RORB: variants seen among roughly 807,000 people sequenced by gnomAD.
The protein encoded by RORB is nuclear receptor ROR-beta.
RORB carries 6 observed loss-of-function variants against 59.1 expected under a neutral mutation model. That is an observed-to-expected ratio of 0.10 (90% CI 0.06 to 0.20). RORB has a LOEUF of 0.20. Among genes scored for constraint, RORB ranks in the 10% least tolerant of loss-of-function variants. RORB has a pLI of 1.00. For missense variants in RORB, 320 were observed against 560.5 expected, an observed-to-expected ratio of 0.57 and a Z score of 4.33; for synonymous variants, 215 against 204.5, an observed-to-expected ratio of 1.05 and a Z score of -0.44.
Position 74,668,027 on chromosome 9 carries a change from T to A in RORB, c.1111+126T>A, listed in dbSNP as rs73549420. On this transcript the variant is annotated intron_variant, in intron 8 of 9. Transcript: ENST00000376896. ...ACAGAGCTATATTTTCTTTACCAAG[T>A]TTTTGATATTTTTGGACAGTGAAAA... 1.0e-2 allele frequency: 6,169 copies of A among 617,428 alleles called. 268 individuals carry two copies. The highest frequency in any genetic ancestry group is 0.099 in the African/African-American group (5,370 of 53,978). 38.2% of individuals were successfully genotyped at this position (617,428 alleles called of 1,614,324 possible).
intron 1 of RORB, among the ~76,000 whole-genome samples, chr9:74,622,706 T>C (rs746798962): frequency 6.6e-6 from 1 of 151,890 alleles, no homozygotes; most frequent in Non-Finnish European, 1.5e-5. Flanking sequence ...TTTGTATTTT[T>C]AGTAGAGACA....
chr9:74,619,255 C>T (rs554216909), intron 1 of RORB, among the ~76,000 whole-genome samples: 2 of 152,296 alleles, frequency 1.3e-5, no homozygotes, highest in South Asian at 4.1e-4. Flanking sequence ...TCAAAAGGCA[C>T]CTCAGCACCA....
intron 1 of RORB, among the ~76,000 whole-genome samples, chr9:74,555,450 A>G (rs1822272981): frequency 6.6e-6 from 1 of 152,236 alleles, no homozygotes; most frequent in South Asian, 2.1e-4. Flanking sequence ...TGGGAGAGAA[A>G]TAAAACCTTA....
At chr9:74,550,464 C>T (rs759825315) in intron 1 of RORB, among the ~76,000 whole-genome samples, 1 of 152,190 alleles carries the variant, frequency 6.6e-6, no homozygotes, top group Non-Finnish European at 1.5e-5. Context: ...GAAAGCTCTA[C>T]AAGTGGTCTT....
chr9:74,510,287 A>G (rs1281829566), intron 1 of RORB, among the ~76,000 whole-genome samples: 2 of 152,152 alleles, frequency 1.3e-5, no homozygotes, highest in African/African-American at 4.8e-5. Flanking sequence ...GTTTAACAAT[A>G]TCAGGTTGGA....
intron 4 of RORB, among the ~76,000 whole-genome samples, chr9:74,655,865 C>T (rs1197139189): frequency 6.6e-6 from 1 of 152,130 alleles, no homozygotes; most frequent in Non-Finnish European, 1.5e-5. Flanking sequence ...AGGGTCAAGT[C>T]GGTTTTTGCA....
intron 1 of RORB, among the ~76,000 whole-genome samples, chr9:74,506,638 C>T (rs1265237317): frequency 1.3e-5 from 2 of 152,076 alleles, no homozygotes; most frequent in African/African-American, 4.8e-5. Context: ...GAAAAACAGA[C>T]TCTGAGCTGG....
chr9:74,663,089 A>T (rs887540511), intron 6 of RORB, among the ~76,000 whole-genome samples: 1 of 152,194 alleles, frequency 6.6e-6, no homozygotes, highest in African/African-American at 2.4e-5. Flanking sequence ...ACTGTCTGAC[A>T]CACACAATTG....
chr9:74,662,942 GAA>G (rs35451203), intron 6 of RORB, among the ~76,000 whole-genome samples: 2 of 142,850 alleles, frequency 1.4e-5, no homozygotes, highest in African/African-American at 5.1e-5. Flanking sequence ...TCTGTGAAAG[GAA>G]AAAAAAAAAA....
chr9:74,542,904 C>A (rs184519507), intron 1 of RORB, among the ~76,000 whole-genome samples: 1 of 152,100 alleles, frequency 6.6e-6, no homozygotes, highest in African/African-American at 2.4e-5. Context: ...TGCCAGGCAA[C>A]GTACTTAAGC....
intron 9 of RORB, among the ~76,000 whole-genome samples, chr9:74,681,961 TG>T (rs1310828310): frequency 4.6e-5 from 7 of 152,190 alleles, no homozygotes; most frequent in African/African-American, 1.7e-4. Context: ...CATTAACTTT[TG>T]GTTAATGACT....
chr9:74,577,639 C>A (rs978567039), intron 1 of RORB, among the ~76,000 whole-genome samples: 2 of 151,936 alleles, frequency 1.3e-5, no homozygotes, highest in African/African-American at 4.8e-5. Context: ...ATTATGGATG[C>A]AAAGTGAAAT....
intron 4 of RORB, among the ~76,000 whole-genome samples, chr9:74,657,455 T>C (rs1329960119): frequency 2.0e-5 from 3 of 152,162 alleles, no homozygotes; most frequent in Non-Finnish European, 4.4e-5. Context: ...TAAGATGTAA[T>C]GTCAGAAATT....
chr9:74,591,896 G>A (rs1822901525), intron 1 of RORB, among the ~76,000 whole-genome samples: 1 of 152,128 alleles, frequency 6.6e-6, no homozygotes, highest in African/African-American at 2.4e-5. Flanking sequence ...TATATGGGGA[G>A]TGTGTGCGTG....
chr9:74,509,776 T>C (rs1040386187), intron 1 of RORB, among the ~76,000 whole-genome samples: 16 of 152,078 alleles, frequency 1.1e-4, no homozygotes, highest in African/African-American at 3.1e-4. Flanking sequence ...CTGTGTTGTG[T>C]ACAAGCATAA....
intron 1 of RORB, among the ~76,000 whole-genome samples, chr9:74,582,185 A>G (rs1273940958): frequency 6.6e-6 from 1 of 152,218 alleles, no homozygotes; most frequent in Non-Finnish European, 1.5e-5. Context: ...TTATAAGACT[A>G]CACAAGTTTA....
At chr9:74,651,198 T>C (rs1312075254) in intron 4 of RORB, among the ~76,000 whole-genome samples, 1 of 152,156 alleles carries the variant, frequency 6.6e-6, no homozygotes, top group African/African-American at 2.4e-5. Context: ...TCTCACCTTC[T>C]GTAACTCTGC....
At chr9:74,507,688 G>A (rs185975174) in intron 1 of RORB, among the ~76,000 whole-genome samples, 1 of 152,184 alleles carries the variant, frequency 6.6e-6, no homozygotes, top group African/African-American at 2.4e-5. Context: ...CAAGAACTTA[G>A]ACATACTGAG....
intron 2 of RORB, among the ~76,000 whole-genome samples, 160 bp from the exon 3 acceptor site, chr9:74,634,471 G>T (rs753017247): frequency 1.3e-5 from 2 of 152,308 alleles, no homozygotes; most frequent in Non-Finnish European, 1.5e-5. Flanking sequence ...ATTTTCCCCA[G>T]CAGAAATATC....
Sources: allele counts gnomAD v4.1 joint callset (sites outside exome capture counted in the v4.1 genomes callset), GRCh38; gene constraint gnomAD v4.1.1; transcripts MANE v1.5; gene names NCBI Gene and HGNC (gene_info 2026-07-23, HGNC 2026-07-21).